ZNF286A: variants seen among roughly 807,000 people sequenced by gnomAD.
ZNF286A encodes the protein zinc finger protein 286A.
A neutral mutation model predicts 49.3 loss-of-function variants in ZNF286A; 34 were observed. That is an observed-to-expected ratio of 0.69 (90% CI 0.52 to 0.92). ZNF286A has a LOEUF of 0.92. ZNF286A is among the 40% of genes least tolerant of loss of function. The probability of loss-of-function intolerance (pLI) is 0.00; values close to 1 mark genes in which losing one functional copy is unlikely to be tolerated. For synonymous variants in ZNF286A, 155 were observed against 200.4 expected (o/e 0.77, Z 1.91); for missense variants, 462 against 600.2 (o/e 0.77, Z 2.41).
Position 15,707,694 on chromosome 17 carries a change from T to A in ZNF286A, c.242-461T>A, listed in dbSNP as rs185514999. On this transcript the variant is annotated intron_variant, in intron 4 of 5. Transcript: ENST00000583566. ...TTGTATTTTCCAAATCCAATTGAAC[T>A]CCTTACCAGGCCCAGACTCTTGCTG... is the stretch of plus-strand genomic sequence containing the variant. 2.6e-5 allele frequency among the ~76,000 whole-genome samples: 4 copies of A among 152,340 alleles called. No homozygotes were observed. In the East Asian group the frequency reaches 7.7e-4, roughly 29 times the overall value.
At position 15,717,321 on chromosome 17, in the gene ZNF286A, G is replaced by A. The variant is rs1322697556; in HGVS notation, c.*31G>A. On this transcript the variant is annotated 3_prime_UTR_variant, in exon 6 of 6. Transcript: ENST00000583566. ...TACTGAATGTGAAGAAATGTAAGTT[G>A]GTTTTATCACTGTATTAAATACTTG... The A allele has an allele frequency of 7.0e-7, 1 of 1,434,862 alleles. No individual in the cohort carries two copies. Among genetic ancestry groups the A allele is most frequent in the Admixed American group, 2.2e-5 (1 of 44,558 alleles). 88.9% of individuals were successfully genotyped at this position (1,434,862 alleles called of 1,614,324 possible). A position where few individuals can be genotyped will look rare whatever the true frequency, so the allele number is the denominator to read the frequency against.
chr17:15,706,479 C>G lies in ZNF286A; in HGVS notation c.219C>G (p.Asn73Lys). 2 of 1,609,942 alleles carry G rather than the reference C, an allele frequency of 1.2e-6. No homozygotes were observed. The highest frequency in any genetic ancestry group is 1.1e-5 in the South Asian group (1 of 90,432). Residue 73 changes from asparagine (N) to lysine (K), a missense_variant, in exon 4 of 6, where the codon AAC (asparagine) becomes AAG (lysine). Transcript: ENST00000583566. ...DPAQRDVMLENYRNLVSLWLP... is the reference protein window; with the variant it reads ...DPAQRDVMLEKYRNLVSLWLP... ...CACAAAGGGATGTGATGCTGGAGAA[C>G]TATAGGAACCTAGTCTCACTTTGTA...
In ZNF286A at chr17:15,711,894, T is replaced by C. The variant is rs529056831; in HGVS notation, c.334+3647T>C. On this transcript the variant is annotated intron_variant, in intron 5 of 5. Transcript: ENST00000583566. ...CCGGCTTTTTTTTTTTTTTTTGAGA[T>C]GGAGTCTCGCTCTATTGCCCAGGCT... Among the ~76,000 whole-genome samples the C allele has an allele frequency of 5.1e-4, 57 of 110,724 alleles. 1 individual carries two copies. The highest frequency in any genetic ancestry group is 1.9e-3 in the African/African-American group (54 of 28,778). The allele number at this position is 110,724 out of a possible 152,430, so 72.6% of individuals were successfully genotyped here.
At position 15,716,974 on chromosome 17, in the gene ZNF286A, A is replaced by G; in HGVS notation, c.1250A>G (p.Lys417Arg). The change falls in exon 6 of 6, where the codon AAA becomes AGA. Residue 417 changes from lysine (K) to arginine (R), a missense_variant. Physicochemically the swap from Lys to Arg is conservative, Grantham distance 26 (BLOSUM62 2). This residue lies in a region of ZNF286A where 201 missense variants were observed against 311.3 expected (regional missense o/e 0.65). Transcript: ENST00000583566. ...CCATATGAATGCAGTGAATGTGGAA[A>G]AACTTTTAGTCAGAGCACACATCTT... ...EKPYECSECG[K>R]TFSQSTHLVQ... 4 of 1,611,846 alleles carry G rather than the reference A, an allele frequency of 2.5e-6. No individual in the cohort carries two copies. Among genetic ancestry groups the G allele is most frequent in the African/African-American group, 2.7e-5 (2 of 74,888 alleles).
intron 4 of ZNF286A, 40 bp downstream of exon 4, chr17:15,706,541 C>T: frequency 7.0e-7 from 1 of 1,420,832 alleles, no homozygotes; most frequent in Non-Finnish European, 9.6e-7. Context: ...CTTATAGGAG[C>T]ATCATTACTT....
Position 15,704,880 on chromosome 17 carries a change from T to A in ZNF286A, c.127-1507T>A, listed in dbSNP as rs8075077. On this transcript the variant is annotated intron_variant, in intron 3 of 5. Coordinates refer to ENST00000583566, the MANE Select transcript of ZNF286A (RefSeq NM_001130842.2). ...CCAGGCGGATGATGTGCGGGGGCAGTTTCTCCACGTTGGAGTTCATGGCTG... is the reference window on the plus strand; with the variant it reads ...CCAGGCGGATGATGTGCGGGGGCAGATTCTCCACGTTGGAGTTCATGGCTG... The A allele has an allele frequency of 5.3e-4, 854 of 1,610,452 alleles. 8 individuals are homozygous for A. In the East Asian group the frequency reaches 0.013, roughly 25 times the overall value.
chr17:15,701,252 C>T lies in ZNF286A; in HGVS notation c.126+12C>T, dbSNP rs1212564382. The T allele has an allele frequency of 1.4e-5, 22 of 1,611,488 alleles. No individual in the cohort carries two copies. In the East Asian group the frequency reaches 4.9e-4, roughly 36 times the overall value. The stretch of plus-strand genomic sequence containing the variant: ...CGGCCAGATCCCAGGTGAGTGAGTG[C>T]TGATTATTGGAATTACACCTTGTTT... On this transcript the variant is annotated intron_variant, in intron 3 of 5. Coordinates refer to ENST00000583566, the MANE Select transcript of ZNF286A (RefSeq NM_001130842.2).
Position 15,716,803 on chromosome 17 carries a change from A to G in ZNF286A, c.1079A>G (p.Asp360Gly). The G allele has an allele frequency of 3.7e-6, 6 of 1,613,928 alleles. No homozygotes were observed. The highest frequency in any genetic ancestry group is 5.1e-6 in the Non-Finnish European group (6 of 1,179,858). The change falls in exon 6 of 6, where the codon GAT becomes GGT. Residue 360 changes from aspartate to glycine, a missense_variant. Asp to Gly is a moderately conservative substitution (Grantham distance 94). This residue lies in a region of ZNF286A where 201 missense variants were observed against 311.3 expected (regional missense o/e 0.65). Coordinates refer to ENST00000583566, the MANE Select transcript of ZNF286A (RefSeq NM_001130842.2). ...GVKPYECNECDKAFIHSSALI... is the reference protein window; with the variant it reads ...GVKPYECNECGKAFIHSSALI... ...AAGCCTTATGAATGTAATGAATGTG[A>G]TAAAGCTTTTATTCATTCATCAGCA...
chr17:15,705,325 C>G (rs995527269), intron 3 of ZNF286A, among the ~76,000 whole-genome samples: 3 of 152,006 alleles, frequency 2.0e-5, no homozygotes, highest in Non-Finnish European at 4.4e-5. Context: ...TTCCAGCTGT[C>G]TTATTTTTCT....
At chr17:15,703,447 A>T (rs950296182) in intron 3 of ZNF286A, among the ~76,000 whole-genome samples, 1 of 151,528 alleles carries the variant, frequency 6.6e-6, no homozygotes, top group East Asian at 1.9e-4. Flanking sequence ...TTTACCTTTG[A>T]TTTGTTAGAT....
rs1989613845 is a variant in ZNF286A at position 15,699,770 on chromosome 17, G to GA, written c.-202dup. ...AGTTCGTCCCCTTTGTGAGGCCCGG[G>GA]ATGGGAGGTGAGTTGCTTGTGGTGA... On this transcript the variant is annotated 5_prime_UTR_variant, in exon 1 of 6. The change creates a new upstream start codon in the 5' untranslated region. Transcript: ENST00000583566. 1 of 702,904 alleles carries GA rather than the reference G, an allele frequency of 1.4e-6. No individual in the cohort carries two copies. The highest frequency in any genetic ancestry group is 1.5e-5 in the South Asian group (1 of 67,598). The allele number at this position is 702,904 out of a possible 1,614,324, so 43.5% of individuals were successfully genotyped here.
At chr17:15,709,763 A>T (rs1597721220) in intron 5 of ZNF286A, 1 of 1,512,208 alleles carries the variant, frequency 6.6e-7, no homozygotes, top group East Asian at 2.5e-5. Context: ...ACTACTGTGG[A>T]GTCATAAGTC....
At chr17:15,711,606 A>G (rs1035239735) in intron 5 of ZNF286A, among the ~76,000 whole-genome samples, 15 of 152,180 alleles carry the variant, frequency 9.9e-5, no homozygotes, top group Admixed American at 3.3e-4. Context: ...CAAGCTTTTT[A>G]TGTAAATGGC....
Position 15,709,708 on chromosome 17 carries a change from G to T in ZNF286A, c.334+1461G>T. The T allele has an allele frequency of 1.9e-5, 19 of 987,206 alleles. 1 individual carries two copies. The highest frequency in any genetic ancestry group is 2.7e-5 in the Non-Finnish European group (19 of 700,642). 61.2% of individuals were successfully genotyped at this position (987,206 alleles called of 1,614,324 possible). ...TTTCTTAAAGTTCACATTGTATTTC[G>T]ATATTAATCTATGTTAATATATATG... On this transcript the variant is annotated intron_variant, in intron 5 of 5. Coordinates refer to ENST00000583566, the MANE Select transcript of ZNF286A (RefSeq NM_001130842.2).
rs1967270651 is a variant in ZNF286A, at chr17:15,719,609, A to C, written c.*2319A>C. 1 of 152,042 alleles carries C rather than the reference A, an allele frequency of 6.6e-6. No individual in the cohort carries two copies. Among genetic ancestry groups the C allele is most frequent in the Non-Finnish European group, 1.5e-5 (1 of 68,044 alleles). 9.4% of individuals were successfully genotyped at this position (152,042 alleles called of 1,614,324 possible). A position where few individuals can be genotyped will look rare whatever the true frequency, so the allele number is the denominator to read the frequency against. ...TCTTCAGCCCCTTATAAGGGCACTA[A>C]TCCCATTCATGAGAGCTCCACCCTC... On this transcript the variant is annotated 3_prime_UTR_variant, in exon 6 of 6. Coordinates refer to ENST00000583566, the MANE Select transcript of ZNF286A (RefSeq NM_001130842.2).
intron 5 of ZNF286A, among the ~76,000 whole-genome samples, chr17:15,712,922 T>A (rs1430819353): frequency 6.6e-6 from 1 of 152,136 alleles, no homozygotes; most frequent in Middle Eastern, 3.2e-3. Context: ...GCTACTCTTC[T>A]TCCATCTCTG....
At chr17:15,715,853 C>T (rs1413453220) in intron 5 of ZNF286A, 19 of 1,345,262 alleles carry the variant, frequency 1.4e-5, no homozygotes, top group Non-Finnish European at 1.7e-5. Context: ...TTCCGACTCT[C>T]CTGGATAGGA....
chr17:15,714,376 T>C (rs1456095654), intron 5 of ZNF286A, among the ~76,000 whole-genome samples: 4 of 152,144 alleles, frequency 2.6e-5, no homozygotes, highest in African/African-American at 9.7e-5. Flanking sequence ...GTTTTGAACT[T>C]ATAGTTTCCC....
intron 3 of ZNF286A, 41 bp from the exon 4 acceptor site, chr17:15,706,346 A>C: frequency 6.5e-7 from 1 of 1,547,036 alleles, no homozygotes; most frequent in East Asian, 2.2e-5. Flanking sequence ...AAAGAGAAGT[A>C]ATTAAGGGAA....
Sources: gnomAD v4.1 joint callset for allele counts (sites outside exome capture counted in the v4.1 genomes callset) on GRCh38, gnomAD v4.1.1 for gene constraint, gnomAD v4.1.1 regional missense constraint, MANE v1.5 for transcripts, NCBI Gene and HGNC (gene_info 2026-07-23, HGNC 2026-07-21) for gene names.